The following COL9A3 variants were observed in gnomAD, a reference collection of about 807,000 sequenced individuals.
COL9A3 encodes collagen type IX alpha 3 chain.
A neutral mutation model predicts 110.2 loss-of-function variants in COL9A3; 82 were observed. The observed-to-expected ratio is 0.74, with a 90% confidence interval of 0.62 to 0.89. The LOEUF (loss-of-function observed/expected upper bound fraction) is 0.89. Ranked by LOEUF, COL9A3 falls within the 40% of genes least tolerant of loss-of-function variation. The pLI is 0.00. For synonymous variants in COL9A3, 494 were observed against 403.8 expected, an observed-to-expected ratio of 1.22 and a Z score of -2.68; for missense variants, 1,066 against 981.3, an observed-to-expected ratio of 1.09 and a Z score of -1.15.
chr20:62,825,608 G>A (rs1001580669), intron 12 of COL9A3: 9 of 629,442 alleles, frequency 1.4e-5, no homozygotes, highest in East Asian at 8.3e-5. Flanking sequence ...CAGTGACCAC[G>A]GACCCCGGCC....
intron 24 of COL9A3, 130 bp from the exon 25 acceptor site, chr20:62,832,024 T>C: frequency 2.1e-6 from 2 of 930,570 alleles, no homozygotes; most frequent in Non-Finnish European, 3.5e-6. Flanking sequence ...TGGGAGCCGG[T>C]GTTCACAGAA....
Position 62,840,780 on chromosome 20 carries a change from A to G in COL9A3, c.*48A>G. 1.3e-6 allele frequency: 2 copies of G among 1,547,688 alleles called. No homozygotes were observed. The highest frequency in any genetic ancestry group is 1.7e-6 in the Non-Finnish European group (2 of 1,143,536). ...GACAAGGACGCCCGAAGCACAGTGG[A>G]CGGTCATGAAGGAGCGGGGGTGTGG... is the stretch of plus-strand genomic sequence containing the variant. On this transcript the variant is annotated 3_prime_UTR_variant, in exon 32 of 32. Coordinates refer to ENST00000649368, the MANE Select transcript of COL9A3 (RefSeq NM_001853.4).
intron 16 of COL9A3, 125 bp from the exon 17 acceptor site, chr20:62,827,787 CCCAGGGTGGTG>C: frequency 1.1e-6 from 1 of 871,402 alleles, no homozygotes; most frequent in Admixed American, 1.8e-5. Flanking sequence ...ACCCACAGGC[CCCAGGGTGGTG>C]GTCGGGGGTG....
chr20:62,834,516 C>T (rs959581), intron 26 of COL9A3, among the ~76,000 whole-genome samples: 142,994 of 152,316 alleles, frequency 0.94, 67,207 homozygotes, highest in African/African-American at 0.98. Flanking sequence ...CTTTCCTTTG[C>T]GTCTGGGTGA....
rs2063633979 is a variant in COL9A3 at position 62,836,216 on chromosome 20, AGGCACCCAGGGTCCCAAC to A, written c.1438_1455del (p.Gln480_Thr485del). 6.2e-7 allele frequency: 1 copy of A among 1,613,406 alleles called. No individual in the cohort carries two copies. The highest frequency in any genetic ancestry group is 1.7e-5 in the Admixed American group (1 of 59,986). On this transcript the variant is annotated inframe_deletion, in exon 28 of 32. Transcript: ENST00000649368. Reference sequence around the variant, plus strand: ...GCAGTCGAGGGGAGCTGGGCCCCAAAGGCACCCAGGGTCCCAACGGCACCAGCGGTGTTCAGGGTGTCC... The same window carrying A: ...GCAGTCGAGGGGAGCTGGGCCCCAAAGGCACCAGCGGTGTTCAGGGTGTCC...
intron 6 of COL9A3, 117 bp downstream of exon 6, chr20:62,821,333 G>T: frequency 7.4e-7 from 1 of 1,350,134 alleles, no homozygotes; most frequent in Non-Finnish European, 1.0e-6. Flanking sequence ...CTCATCTGCA[G>T]CCTCTCCGGA....
At chr20:62,834,267 C>T (rs566697713) in intron 26 of COL9A3, among the ~76,000 whole-genome samples, 137 of 152,368 alleles carry the variant, frequency 9.0e-4, no homozygotes, top group African/African-American at 3.2e-3. Context: ...GCCTCAGCCT[C>T]CCAAAGTGCT....
At chr20:62,824,692 T>G (rs2063536569) in intron 11 of COL9A3, among the ~76,000 whole-genome samples, 191 bp downstream of exon 11, 1 of 152,184 alleles carries the variant, frequency 6.6e-6, no homozygotes, top group South Asian at 2.1e-4. Context: ...GTGGCCAGGC[T>G]GGGACTGGCC....
At chr20:62,833,128 G>A (rs2063609457) in intron 26 of COL9A3, 64 bp downstream of exon 26, 2 of 1,351,556 alleles carry the variant, frequency 1.5e-6, no homozygotes, top group East Asian at 2.3e-5. Context: ...TGTGGCTGGG[G>A]AACAGTCCTG....
Position 62,825,022 on chromosome 20 carries a change from G to T in COL9A3, c.630+1G>T, listed in dbSNP as rs896566255. The T allele has an allele frequency of 2.5e-6, 4 of 1,608,420 alleles. No individual in the cohort carries two copies. Among genetic ancestry groups the T allele is most frequent in the Non-Finnish European group, 3.4e-6 (4 of 1,178,758 alleles). ...GGAAGTCGGCAAGGACGGCGAGAAG[G>T]TGAAGCTGCCGCACAGCAGCTGGGG... On this transcript the variant is annotated splice_donor_variant, in intron 12 of 31. Coordinates refer to ENST00000649368, the MANE Select transcript of COL9A3 (RefSeq NM_001853.4). LOFTEE classifies it high-confidence loss of function.
intron 4 of COL9A3, 120 bp downstream of exon 4, chr20:62,819,413 G>C (rs1018522258): frequency 1.9e-5 from 17 of 914,684 alleles, no homozygotes; most frequent in Non-Finnish European, 3.0e-5. Context: ...AGTCCTGAGA[G>C]AAGTCTCCAG....
chr20:62,828,616 A>G, intron 17 of COL9A3, 148 bp from the exon 18 acceptor site: 1 of 934,478 alleles, frequency 1.1e-6, no homozygotes, highest in Non-Finnish European at 1.7e-6. Context: ...CCACACGGCC[A>G]CCTTGGTCAT....
At chr20:62,828,901 A>G in intron 18 of COL9A3, 22 bp from the exon 19 acceptor site, 1 of 1,612,408 alleles carries the variant, frequency 6.2e-7, no homozygotes, top group African/African-American at 1.3e-5. Flanking sequence ...CCCCTTCCGC[A>G]CCCCAATCTC....
At chr20:62,816,980 G>T (rs1990941369), upstream of COL9A3, 5 of 774,978 alleles carry the variant, frequency 6.5e-6, no homozygotes, top group South Asian at 1.3e-4. Context: ...GGGCGGGAAG[G>T]GGAAGGGGAA....
At chr20:62,836,872 C>T in intron 29 of COL9A3, 1 of 731,482 alleles carries the variant, frequency 1.4e-6, no homozygotes, top group Non-Finnish European at 2.4e-6. Context: ...ACTTCCTTCA[C>T]CTTCCCACTC....
rs867940238 is a variant in COL9A3 at position 62,830,718 on chromosome 20, A to T, written c.1287+130A>T. 161 of 308,918 alleles carry T rather than the reference A, an allele frequency of 5.2e-4. 26 individuals are homozygous for T. In the African/African-American group the frequency reaches 6.7e-3, roughly 13 times the overall value. 19.1% of individuals were successfully genotyped at this position (308,918 alleles called of 1,614,324 possible). ...CCCCTACCACAGTCCCCCAACCCCC[A>T]CCACAGTCCCCACCCCCTACCACAG... On this transcript the variant is annotated intron_variant, in intron 24 of 31. Transcript: ENST00000649368.
At chr20:62,821,607 C>A in intron 7 of COL9A3, 77 bp downstream of exon 7, 1 of 1,603,530 alleles carries the variant, frequency 6.2e-7, no homozygotes, top group East Asian at 2.2e-5. Context: ...TGTCCCAAAC[C>A]GTGCCTGGGG....
At chr20:62,837,785 C>T (rs1156899805) in intron 30 of COL9A3, among the ~76,000 whole-genome samples, 1 of 150,178 alleles carries the variant, frequency 6.7e-6, no homozygotes, top group Non-Finnish European at 1.5e-5. Flanking sequence ...CCAGCTTGGG[C>T]GACAGAGCGA....
intron 26 of COL9A3, among the ~76,000 whole-genome samples, chr20:62,833,531 G>C (rs1296636683): frequency 6.6e-6 from 1 of 151,716 alleles, no homozygotes; most frequent in Non-Finnish European, 1.5e-5. Context: ...AGCCTCCCAA[G>C]TACCTGGGAC....
Sources: gnomAD v4.1 joint callset for allele counts (sites outside exome capture counted in the v4.1 genomes callset) on GRCh38, gnomAD v4.1.1 for gene constraint, MANE v1.5 for transcripts, NCBI Gene and HGNC (gene_info 2026-07-23, HGNC 2026-07-21) for gene names.